Variants in NTMT2 observed in about 807,000 individuals in gnomAD.
NTMT2 encodes X-Pro-Lys N-terminal protein methyltransferase 1B.
Under a neutral mutation model 23.4 loss-of-function variants are expected in NTMT2, and 21 were observed. The observed-to-expected ratio is 0.90, with a 90% CI of 0.64 to 1.29. The LOEUF (loss-of-function observed/expected upper bound fraction) is 1.29, where lower values mean the gene tolerates loss of function less well. Ranked by LOEUF, NTMT2 falls within the 50% of genes most tolerant of loss-of-function variation. The pLI, the probability that NTMT2 is intolerant of heterozygous loss-of-function variation, is 0.00. For missense variants in NTMT2, 336 were observed against 352.0 expected, an observed-to-expected ratio of 0.95 and a Z score of 0.36; for synonymous variants, 131 against 127.7, an observed-to-expected ratio of 1.03 and a Z score of -0.17.
At position 170,146,134 on chromosome 1, in the gene NTMT2, C is replaced by T. The variant is rs902307945; in HGVS notation, c.27C>T (p.Ala9=). The change falls in exon 1 of 4, where the codon GCC becomes GCT. Residue 9 remains alanine, a synonymous_variant. Coordinates refer to ENST00000439373, the MANE Select transcript of NTMT2 (RefSeq NM_001136107.2). MAHRGAHF[A]FRSRWQKTDD... ...TGGCCCACCGGGGAGCCCATTTTGC[C>T]TTTAGATCCCGCTGGCAGAAGACCG... 2 of 1,551,476 alleles carry T rather than the reference C, an allele frequency of 1.3e-6. No individual in the cohort carries two copies. The highest frequency in any genetic ancestry group is 2.4e-5 in the East Asian group (1 of 40,878).
At chr1:170,151,529 T>A (rs1412017673) in intron 1 of NTMT2, 4 of 154,200 alleles carry the variant, frequency 2.6e-5, no homozygotes, top group Admixed American at 1.3e-4. Context: ...ATTGGTATTT[T>A]AAAAATTTAT....
chr1:170,160,058 C>G (rs536894301), intron 1 of NTMT2, among the ~76,000 whole-genome samples: 1 of 152,272 alleles, frequency 6.6e-6, no homozygotes, highest in South Asian at 2.1e-4. Context: ...GATATAAAAA[C>G]AGTTACCCCT....
intron 1 of NTMT2, chr1:170,158,212 G>A (rs554487735): frequency 6.6e-6 from 1 of 152,144 alleles, no homozygotes; most frequent in Non-Finnish European, 1.5e-5. Context: ...GTTTTCTAGT[G>A]TTTCTGATGA....
intron 1 of NTMT2, among the ~76,000 whole-genome samples, chr1:170,148,506 A>C (rs1298129714): frequency 6.6e-6 from 1 of 152,048 alleles, no homozygotes; most frequent in African/African-American, 2.4e-5. Flanking sequence ...GCAGCTTTCC[A>C]TAAATGGGCA....
intron 1 of NTMT2, among the ~76,000 whole-genome samples, chr1:170,156,069 GT>G (rs921798355): frequency 2.7e-4 from 41 of 152,200 alleles, no homozygotes; most frequent in African/African-American, 7.7e-4. Context: ...AAAATTCTGA[GT>G]TTTATCCAGA....
At chr1:170,160,204 C>T (rs1037969265) in intron 1 of NTMT2, among the ~76,000 whole-genome samples, 13 of 152,140 alleles carry the variant, frequency 8.5e-5, no homozygotes, top group African/African-American at 3.1e-4. Flanking sequence ...GTAGCTAACA[C>T]TGTTAAAAAT....
intron 2 of NTMT2, among the ~76,000 whole-genome samples, chr1:170,165,909 T>C (rs1191646564): frequency 6.6e-6 from 1 of 151,852 alleles, no homozygotes; most frequent in Non-Finnish European, 1.5e-5. Flanking sequence ...ATCTCATTTA[T>C]AATTCTTTTT....
chr1:170,164,186 CAT>C (rs1392261077), intron 2 of NTMT2, among the ~76,000 whole-genome samples: 2 of 150,008 alleles, frequency 1.3e-5, no homozygotes, highest in East Asian at 2.0e-4. Flanking sequence ...TAGTTCTAGT[CAT>C]ATTCATTCAA....
At chr1:170,162,797 T>G (rs1673298647) in intron 2 of NTMT2, among the ~76,000 whole-genome samples, 1 of 152,212 alleles carries the variant, frequency 6.6e-6, no homozygotes, top group Non-Finnish European at 1.5e-5. Flanking sequence ...CACCAAACTC[T>G]CTGCTCTTAA....
At position 170,167,577 on chromosome 1, in the gene NTMT2, G is replaced by A; in HGVS notation, c.672G>A (p.Val224=). 2 of 1,551,706 alleles carry A rather than the reference G, an allele frequency of 1.3e-6. No homozygotes were observed. Among genetic ancestry groups the A allele is most frequent in the South Asian group, 1.2e-5 (1 of 84,060 alleles). ...GCATCATCATATTGAAGGACAATGTGGCCCGGGAGGGCTGTATCCTTGATC... is the reference window on the plus strand; with the variant it reads ...GCATCATCATATTGAAGGACAATGTAGCCCGGGAGGGCTGTATCCTTGATC... ...ENGIIILKDN[V]AREGCILDLS... The change falls in exon 4 of 4, where the codon GTG becomes GTA. Residue 224 remains valine (V), a synonymous_variant. Transcript: ENST00000439373.
chr1:170,167,456 G>A (rs750857338), intron 3 of NTMT2, 30 bp from the exon 4 acceptor site: 102 of 1,514,864 alleles, frequency 6.7e-5, no homozygotes, highest in Non-Finnish European at 8.4e-5. Flanking sequence ...ATTTCTTCCT[G>A]TTCCCCCATC....
chr1:170,167,382 G>A lies in NTMT2; in HGVS notation c.581-104G>A, dbSNP rs1328239858. On this transcript the variant is annotated intron_variant, in intron 3 of 3. Transcript: ENST00000439373. ...AATGAGGCTATTAAATCATGAATGA[G>A]TGAACAAATGGTCTCCTGATTCTTA... is the stretch of plus-strand genomic sequence containing the variant. The A allele has an allele frequency of 5.7e-6, 6 of 1,059,904 alleles. No homozygotes were observed. The East Asian group carries it at 1.6e-4, about 28-fold the overall frequency. 65.7% of individuals were successfully genotyped at this position (1,059,904 alleles called of 1,614,324 possible). A position where few individuals can be genotyped will look rare whatever the true frequency, so the allele number is the denominator to read the frequency against.
At chr1:170,164,145 A>G (rs952527176) in intron 2 of NTMT2, among the ~76,000 whole-genome samples, 13 of 132,424 alleles carry the variant, frequency 9.8e-5, no homozygotes, top group Non-Finnish European at 2.0e-4. Flanking sequence ...AAAAAAAAAG[A>G]CCGTCTTGTT....
rs930809703 is a variant in NTMT2, at chr1:170,160,615, G to A, written c.252G>A (p.Glu84=). ...ACCAAGAAGTACCAGCCACAGAAGA[G>A]GGTATGATGGGAAATTTCATTGAAC... is the stretch of plus-strand genomic sequence containing the variant. ...LFYQEVPATE[E]GMMGNFIELS... is the part of the protein sequence containing the mutation. Residue 84 remains glutamate, a synonymous_variant, in exon 2 of 4, where the codon GAG becomes GAA. Coordinates refer to ENST00000439373, the MANE Select transcript of NTMT2 (RefSeq NM_001136107.2). 9.7e-6 allele frequency: 15 copies of A among 1,551,576 alleles called. No individual in the cohort carries two copies. In the East Asian group the frequency reaches 3.2e-4, roughly 33 times the overall value.
At chr1:170,166,871 C>A (rs1673405134) in intron 3 of NTMT2, 120 bp downstream of exon 3, 3 of 1,024,172 alleles carry the variant, frequency 2.9e-6, no homozygotes, top group South Asian at 3.4e-5. Flanking sequence ...AGTTAGCTAG[C>A]CTTAGGTGTC....
chr1:170,166,140 CTTTTTTTTT>C (rs3040077), intron 2 of NTMT2, among the ~76,000 whole-genome samples: 1 of 67,792 alleles, frequency 1.5e-5, no homozygotes, highest in Non-Finnish European at 2.9e-5. Flanking sequence ...TTTTTTTTTT[CTTTTTTTTT>C]TTTTTTTTGA....
intron 1 of NTMT2, among the ~76,000 whole-genome samples, chr1:170,147,718 A>G (rs1672993508): frequency 1.3e-5 from 2 of 152,314 alleles, no homozygotes; most frequent in Non-Finnish European, 2.9e-5. Flanking sequence ...CTGAGAAGAG[A>G]GTCACTAACA....
At chr1:170,148,314 A>AT (rs78263475) in intron 1 of NTMT2, among the ~76,000 whole-genome samples, 11,975 of 143,600 alleles carry the variant, frequency 0.083, 501 homozygotes, top group Middle Eastern at 0.12. Flanking sequence ...ATGCCCGGCT[A>AT]TTTTTTTTTT....
intron 1 of NTMT2, among the ~76,000 whole-genome samples, chr1:170,158,373 A>G (rs1256393511): frequency 1.3e-5 from 2 of 152,120 alleles, no homozygotes; most frequent in Non-Finnish European, 2.9e-5. Flanking sequence ...AGGCATACTC[A>G]TACCAATAAA....
Sources: gnomAD v4.1 joint callset for allele counts (sites outside exome capture counted in the v4.1 genomes callset) on GRCh38, gnomAD v4.1.1 for gene constraint, MANE v1.5 for transcripts, NCBI Gene and HGNC (gene_info 2026-07-23, HGNC 2026-07-21) for gene names.